The following AK3 variants were observed in gnomAD, a reference collection of about 807,000 sequenced individuals.
AK3 encodes the protein adenylate kinase 3.
Under a neutral mutation model 23.7 loss-of-function variants are expected in AK3, and 27 were observed. The observed-to-expected ratio is 1.14, with a 90% CI of 0.84 to 1.57. The LOEUF is 1.57. AK3 is among the 40% of genes most tolerant of loss of function. The pLI is 0.00. For missense variants in AK3, 406 were observed against 285.6 expected, an observed-to-expected ratio of 1.42 and a Z score of -3.04; for synonymous variants, 159 against 116.0, an observed-to-expected ratio of 1.37 and a Z score of -2.38.
chr9:4,720,160 A>G lies in AK3; in HGVS notation c.272-853T>C, dbSNP rs1287845730. The stretch of plus-strand genomic sequence containing the variant: ...AAAACTATTAATGCAAAAGGATAAA[A>G]CCCTAACAGACAAAGAGATGTGTTA... On this transcript the variant is annotated intron_variant, in intron 2 of 4. Coordinates refer to ENST00000381809, the MANE Select transcript of AK3 (RefSeq NM_016282.4). Among the ~76,000 whole-genome samples the G allele has an allele frequency of 2.0e-5, 3 of 152,116 alleles. No homozygotes were observed. In the East Asian group the frequency reaches 5.8e-4, roughly 29 times the overall value.
At position 4,722,525 on chromosome 9, in the gene AK3, C is replaced by T; in HGVS notation, c.252G>A (p.Gln84=). 1 of 1,614,158 alleles carries T rather than the reference C, an allele frequency of 6.2e-7. No individual in the cohort carries two copies. Among genetic ancestry groups the T allele is most frequent in the African/African-American group, 1.3e-5 (1 of 75,036 alleles). Residue 84 remains glutamine, a synonymous_variant, in exon 2 of 5, where the codon CAG becomes CAA. Transcript: ENST00000381809. The part of the protein sequence containing the change: ...LALHELKNLT[Q]YSWLLDGFPR... ...ACTTACCATCCAACAGCCAGCTATA[C>T]TGGGTGAGATTTTTCAGCTCATGAA...
At chr9:4,719,365 G>C (rs371898433) in intron 2 of AK3, 58 bp from the exon 3 acceptor site, 7 of 586,408 alleles carry the variant, frequency 1.2e-5, no homozygotes, top group Admixed American at 3.4e-5. Context: ...TGGGGTGGGG[G>C]TGGGGCGGGT....
At chr9:4,739,848 T>G (rs746862030) in intron 1 of AK3, among the ~76,000 whole-genome samples, 1 of 152,032 alleles carries the variant, frequency 6.6e-6, no homozygotes, top group South Asian at 2.1e-4. Context: ...GGAGAATTGC[T>G]TGAACCCAGG....
At chr9:4,730,968 A>G (rs1459754681) in intron 1 of AK3, among the ~76,000 whole-genome samples, 1 of 71,564 alleles carries the variant, frequency 1.4e-5, no homozygotes, top group South Asian at 3.8e-4. Context: ...ATAATTATGG[A>G]CCCAGTTTCT....
chr9:4,732,440 G>A (rs920590988), intron 1 of AK3, among the ~76,000 whole-genome samples: 1 of 152,056 alleles, frequency 6.6e-6, no homozygotes, highest in Non-Finnish European at 1.5e-5. Context: ...ACTAGGAATC[G>A]GCAGCCCTAA....
At chr9:4,729,015 A>ATATATATATAT (rs71326127) in intron 1 of AK3, among the ~76,000 whole-genome samples, 158 of 129,418 alleles carry the variant, frequency 1.2e-3, no homozygotes, top group African/African-American at 4.2e-3. Context: ...ATATATATAT[A>ATATATATATAT]TTTTTTTTTT....
chr9:4,717,508 G>A (rs1841768701), intron 4 of AK3, among the ~76,000 whole-genome samples: 1 of 152,100 alleles, frequency 6.6e-6, no homozygotes, highest in Admixed American at 6.6e-5. Context: ...AAATGTGGTG[G>A]GCAATATTAA....
chr9:4,741,543 C>T (rs908365000), upstream of AK3, among the ~76,000 whole-genome samples: 1 of 152,070 alleles, frequency 6.6e-6, no homozygotes, highest in Admixed American at 6.5e-5. Flanking sequence ...CCCTGTCCGG[C>T]CCATTCCCAG....
chr9:4,718,197 G>C (rs780346194), intron 4 of AK3, among the ~76,000 whole-genome samples: 1 of 152,172 alleles, frequency 6.6e-6, no homozygotes. Flanking sequence ...ACACAGGAAG[G>C]CAAAACCAAG....
At chr9:4,737,763 T>C (rs1406184270) in intron 1 of AK3, among the ~76,000 whole-genome samples, 2 of 152,186 alleles carry the variant, frequency 1.3e-5, no homozygotes, top group African/African-American at 4.8e-5. Context: ...ACTAAATGTC[T>C]TAAGGTCAGA....
intron 1 of AK3, among the ~76,000 whole-genome samples, chr9:4,725,496 C>T (rs1842003041): frequency 6.6e-6 from 1 of 151,936 alleles, no homozygotes; most frequent in African/African-American, 2.4e-5. Flanking sequence ...AGGCCGGGTG[C>T]AGTGGCTCCT....
At chr9:4,713,894 G>T (rs118177137) in intron 4 of AK3, among the ~76,000 whole-genome samples, 1 of 24 alleles carries the variant, frequency 0.042, no homozygotes, top group Non-Finnish European at 0.17. Context: ...TAGCCCATGC[G>T]TACACCTACG....
intron 1 of AK3, among the ~76,000 whole-genome samples, chr9:4,728,822 C>T (rs67842810): frequency 0.2 from 24,567 of 124,012 alleles, 2,733 homozygotes; most frequent in East Asian, 0.47. Flanking sequence ...ACAGCAAGAC[C>T]ATGTCTCTAC....
chr9:4,718,284 G>A (rs1369918947), intron 4 of AK3, 135 bp downstream of exon 4: 2 of 684,884 alleles, frequency 2.9e-6, no homozygotes, highest in Non-Finnish European at 2.6e-6. Flanking sequence ...ACAAGCTAAT[G>A]TATTTCCTTT....
At chr9:4,713,681 G>C (rs192729612) in intron 4 of AK3, among the ~76,000 whole-genome samples, 3 of 152,060 alleles carry the variant, frequency 2.0e-5, no homozygotes, top group Non-Finnish European at 4.4e-5. Flanking sequence ...TGGTTTTATT[G>C]GGTTTCCTAT....
rs1011661821 is a variant in AK3, at chr9:4,711,191, C to T, written c.*1785G>A. 6.6e-6 allele frequency: 1 copy of T among 152,494 alleles called. No individual in the cohort carries two copies. Among genetic ancestry groups the T allele is most frequent in the African/African-American group, 2.4e-5 (1 of 41,426 alleles). 9.4% of individuals were successfully genotyped at this position (152,494 alleles called of 1,614,324 possible). A position where few individuals can be genotyped will look rare whatever the true frequency, so the allele number is the denominator to read the frequency against. ...AAGATCATTTATTAGAACAGTCATT[C>T]AGAAGCCATTGAGACATCAGGCAGC... On this transcript the variant is annotated 3_prime_UTR_variant, in exon 5 of 5. Coordinates refer to ENST00000381809, the MANE Select transcript of AK3 (RefSeq NM_016282.4).
In AK3 at chr9:4,719,197, G is replaced by C. The variant is rs769104959; in HGVS notation, c.382C>G (p.Arg128Gly). Residue 128 changes from arginine (R) to glycine (G), a missense_variant, in exon 3 of 5, where the codon CGC (arginine) becomes GGC (glycine). By Grantham distance (125) the Arg-to-Gly change is moderately radical (BLOSUM62 -2). Transcript: ENST00000381809. ...FEVIKQRLTA[R>G]WIHPASGRVY... The stretch of plus-strand genomic sequence containing the variant: ...CGGCCACTGGCGGGATGAATCCAGC[G>C]AGCAGTAAGGCGTTGTTTAATGACC... 8.1e-6 allele frequency: 13 copies of C among 1,611,752 alleles called. No individual in the cohort carries two copies. Among genetic ancestry groups the C allele is most frequent in the Non-Finnish European group, 1.1e-5 (13 of 1,179,832 alleles).
intron 1 of AK3, among the ~76,000 whole-genome samples, chr9:4,729,015 A>ATATATTTATTTAT (rs71326127): frequency 7.7e-6 from 1 of 129,450 alleles, no homozygotes; most frequent in Non-Finnish European, 1.6e-5. Flanking sequence ...ATATATATAT[A>ATATATTTATTTAT]TTTTTTTTTT....
rs1563803171 is a variant in AK3, at chr9:4,741,117, G to C, written c.-30C>G. On this transcript the variant is annotated 5_prime_UTR_variant, in exon 1 of 5. Coordinates refer to ENST00000381809, the MANE Select transcript of AK3 (RefSeq NM_016282.4). The stretch of plus-strand genomic sequence containing the variant: ...GCAGACTGAGGCCCGCACCGCGCGG[G>C]TACCAGGGCTTTGGCCTGGCCTGCG... The C allele has an allele frequency of 2.7e-6, 4 of 1,480,276 alleles. No homozygotes were observed. Among genetic ancestry groups the C allele is most frequent in the Non-Finnish European group, 3.6e-6 (4 of 1,114,994 alleles). The allele number at this position is 1,480,276 out of a possible 1,614,324, so 91.7% of individuals were successfully genotyped here. A position where few individuals can be genotyped will look rare whatever the true frequency, so the allele number is the denominator to read the frequency against.
Sources: allele counts gnomAD v4.1 joint callset (sites outside exome capture counted in the v4.1 genomes callset), GRCh38; gene constraint gnomAD v4.1.1; transcripts MANE v1.5; gene names NCBI Gene and HGNC (gene_info 2026-07-23, HGNC 2026-07-21).